Variants in CFAP53 observed in about 807,000 individuals in gnomAD.
CFAP53 encodes cilia- and flagella-associated protein 53.
A neutral mutation model predicts 59.7 loss-of-function variants in CFAP53; 62 were observed. The ratio of observed to expected loss-of-function variants is 1.04; its 90% CI spans 0.85 to 1.28. CFAP53 has a LOEUF of 1.28. Ranked by LOEUF, CFAP53 falls within the 50% of genes most tolerant of loss-of-function variation. The pLI is 0.00. For synonymous variants in CFAP53, 218 were observed against 205.7 expected (o/e 1.06, Z -0.51); for missense variants, 629 against 615.6 (o/e 1.02, Z -0.23).
intron 2 of CFAP53, among the ~76,000 whole-genome samples, 183 bp downstream of exon 2, chr18:50,261,807 G>A (rs555685129): frequency 6.6e-6 from 1 of 152,202 alleles, no homozygotes; most frequent in South Asian, 2.1e-4. Flanking sequence ...ACAATATATT[G>A]TTTTTCATCA....
At chr18:50,256,320 T>C (rs2033846760) in intron 3 of CFAP53, 1 of 152,230 alleles carries the variant, frequency 6.6e-6, no homozygotes, top group Non-Finnish European at 1.5e-5. Flanking sequence ...GTAGCAAAGA[T>C]GTCCAAATCC....
intron 7 of CFAP53, among the ~76,000 whole-genome samples, chr18:50,229,657 T>C (rs924472784): frequency 1.3e-5 from 2 of 152,152 alleles, no homozygotes; most frequent in South Asian, 4.1e-4. Flanking sequence ...GGAAACTCCA[T>C]ACTGTTTTCC....
At chr18:50,236,903 T>C (rs2033639201) in intron 7 of CFAP53, among the ~76,000 whole-genome samples, 2 of 152,272 alleles carry the variant, frequency 1.3e-5, no homozygotes, top group South Asian at 4.1e-4. Flanking sequence ...GTAACTGTAA[T>C]ACCTCTGCCC....
At chr18:50,246,076 G>A (rs2033741316) in intron 5 of CFAP53, among the ~76,000 whole-genome samples, 1 of 152,050 alleles carries the variant, frequency 6.6e-6, no homozygotes, top group African/African-American at 2.4e-5. Context: ...TTTTGGTAGA[G>A]ACGGGGTTTC....
chr18:50,242,766 A>T lies in CFAP53; in HGVS notation c.1213+134T>A, dbSNP rs949447477. ...CCAATTAGATAAGATTTGCAATAAC[A>T]GGCCTCCTGCCTTCATCCTTTTTGC... is the stretch of plus-strand genomic sequence containing the variant. On this transcript the variant is annotated intron_variant, in intron 6 of 7. Transcript: ENST00000398545. 1.2e-4 allele frequency: 87 copies of T among 718,780 alleles called. No individual in the cohort carries two copies. In the East Asian group the frequency reaches 2.2e-3, roughly 18 times the overall value. The allele number at this position is 718,780 out of a possible 1,614,324, so 44.5% of individuals were successfully genotyped here.
intron 5 of CFAP53, among the ~76,000 whole-genome samples, chr18:50,246,879 C>T (rs1443924418): frequency 6.6e-6 from 1 of 152,016 alleles, no homozygotes; most frequent in Non-Finnish European, 1.5e-5. Context: ...AACCCCGTCT[C>T]TACTAAAAAT....
At chr18:50,254,589 A>G (rs892672166) in intron 3 of CFAP53, among the ~76,000 whole-genome samples, 4 of 152,192 alleles carry the variant, frequency 2.6e-5, no homozygotes, top group African/African-American at 7.2e-5. Context: ...TTATTAAAAA[A>G]GAAAAAATTA....
chr18:50,232,911 G>A (rs988089315), intron 7 of CFAP53, among the ~76,000 whole-genome samples: 2 of 152,062 alleles, frequency 1.3e-5, no homozygotes, highest in Non-Finnish European at 2.9e-5. Flanking sequence ...CAATCCAGGG[G>A]TCCAGCCTTA....
chr18:50,238,715 G>C lies in CFAP53; in HGVS notation c.1214-10C>G. On this transcript the variant is annotated splice_polypyrimidine_tract_variant and intron_variant, in intron 6 of 7. Transcript: ENST00000398545. ...TTAGCTTCTCGTTGCACTAAGAAAA[G>C]CAAAAGTAATTATATGTCAAATGAC... 1 of 1,593,906 alleles carries C rather than the reference G, an allele frequency of 6.3e-7. No homozygotes were observed. The highest frequency in any genetic ancestry group is 8.6e-7 in the Non-Finnish European group (1 of 1,164,876).
intron 6 of CFAP53, among the ~76,000 whole-genome samples, chr18:50,240,401 C>T (rs2033679921): frequency 6.6e-6 from 1 of 152,246 alleles, no homozygotes; most frequent in Admixed American, 6.5e-5. Flanking sequence ...TGCCAAACCA[C>T]TCACCCCATC....
chr18:50,247,682 T>G (rs116886831), intron 5 of CFAP53, among the ~76,000 whole-genome samples: 1 of 152,234 alleles, frequency 6.6e-6, no homozygotes, highest in East Asian at 1.9e-4. Flanking sequence ...CTTGAAAACA[T>G]TATGCTAAGT....
chr18:50,261,257 A>G lies in CFAP53; in HGVS notation c.300-20T>C. The G allele has an allele frequency of 2.3e-6, 3 of 1,290,364 alleles. No individual in the cohort carries two copies. The highest frequency in any genetic ancestry group is 3.1e-6 in the Non-Finnish European group (3 of 976,690). The allele number at this position is 1,290,364 out of a possible 1,614,324, so 79.9% of individuals were successfully genotyped here. A position where few individuals can be genotyped will look rare whatever the true frequency, so the allele number is the denominator to read the frequency against. ...CGTAGCCTGAAACAAAAAGCCAAAA[A>G]AAAAAAAAAAAAAAGAAAACTGTCA... On this transcript the variant is annotated intron_variant, in intron 2 of 7. Transcript: ENST00000398545.
At chr18:50,263,989 G>C (rs920106398) in intron 1 of CFAP53, among the ~76,000 whole-genome samples, 3 of 152,206 alleles carry the variant, frequency 2.0e-5, no homozygotes, top group Non-Finnish European at 4.4e-5. Flanking sequence ...ATTGTTCAAA[G>C]TCTGTACTGT....
chr18:50,251,565 G>A lies in CFAP53; in HGVS notation c.693C>T (p.Arg231=), dbSNP rs767624684. The change falls in exon 4 of 8, where the codon CGC becomes CGT. Residue 231 remains arginine, a synonymous_variant. Transcript: ENST00000398545. ...TGGTGATCTGGGCATTCAGCCCCAG[G>A]CGTGTGTTCTCCATCAGCTCTTTCT... is the stretch of plus-strand genomic sequence containing the variant. ...RRQKELMENT[R]LGLNAQITSI... 2 of 1,614,192 alleles carry A rather than the reference G, an allele frequency of 1.2e-6. No individual in the cohort carries two copies. Among genetic ancestry groups the A allele is most frequent in the East Asian group, 2.2e-5 (1 of 44,880 alleles).
At chr18:50,229,972 G>T (rs1306886215) in intron 7 of CFAP53, among the ~76,000 whole-genome samples, 1 of 151,826 alleles carries the variant, frequency 6.6e-6, no homozygotes, top group African/African-American at 2.4e-5. Context: ...TGCACAGGCC[G>T]GTCTCAAACT....
rs1464687696 is a variant in CFAP53, at chr18:50,266,371, C to G, written c.34G>C (p.Glu12Gln). The change falls in exon 1 of 8, where the codon GAG (glutamate) becomes CAG (glutamine). Residue 12 changes from glutamate (E) to glutamine (Q), a missense_variant. Glu to Gln is a conservative substitution (Grantham distance 29). Transcript: ENST00000398545. Reference sequence around the variant, plus strand: ...ACTTTGGGGGTGGGGCCCTTAACCTCCCGCTGTACGGTGCCAAACCGCTGG... The same window carrying G: ...ACTTTGGGGGTGGGGCCCTTAACCTGCCGCTGTACGGTGCCAAACCGCTGG... The part of the protein sequence containing the change: ...YSQRFGTVQR[E>Q]VKGPTPKVVI... The G allele has an allele frequency of 6.2e-7, 1 of 1,614,284 alleles. No individual in the cohort carries two copies. The highest frequency in any genetic ancestry group is 8.5e-7 in the Non-Finnish European group (1 of 1,180,054).
chr18:50,231,576 T>C (rs2033584148), intron 7 of CFAP53, among the ~76,000 whole-genome samples: 1 of 152,220 alleles, frequency 6.6e-6, no homozygotes, highest in Non-Finnish European at 1.5e-5. Context: ...GTGAGGGACC[T>C]GAGTTTACTT....
intron 1 of CFAP53, 144 bp downstream of exon 1, chr18:50,266,192 C>T: frequency 1.4e-6 from 1 of 716,858 alleles, no homozygotes; most frequent in Non-Finnish European, 2.5e-6. Flanking sequence ...TATCTTCCTT[C>T]TTTCAAAATT....
In CFAP53 at chr18:50,256,452, T is replaced by A. The variant is rs1413620999; in HGVS notation, c.473+4612A>T. On this transcript the variant is annotated intron_variant, in intron 3 of 7. Transcript: ENST00000398545. ...CCTACCTGTAGAACTCAGTTATCCA[T>A]CTACAAGCCAAGGAGGGTGGCAAGT... is the stretch of plus-strand genomic sequence containing the variant. 2.0e-5 allele frequency: 3 copies of A among 152,198 alleles called. No individual in the cohort carries two copies. In the East Asian group the frequency reaches 5.8e-4, roughly 29 times the overall value. The allele number at this position is 152,198 out of a possible 1,614,324, so 9.4% of individuals were successfully genotyped here.
Sources: gnomAD v4.1 joint callset for allele counts (sites outside exome capture counted in the v4.1 genomes callset) on GRCh38, gnomAD v4.1.1 for gene constraint, MANE v1.5 for transcripts, NCBI Gene and HGNC (gene_info 2026-07-23, HGNC 2026-07-21) for gene names.